The following DGCR2 variants were observed in gnomAD, a reference collection of about 807,000 sequenced individuals.
The protein encoded by DGCR2 is integral membrane protein DGCR2/IDD.
In DGCR2, 24 loss-of-function variants were observed where a neutral mutation model predicts 51.6. The observed-to-expected ratio is 0.47, with a 90% CI of 0.34 to 0.65. DGCR2 has a LOEUF of 0.65. Ranked by LOEUF, DGCR2 falls within the 30% of genes least tolerant of loss-of-function variation. The pLI is 0.01. For missense variants in DGCR2, 765 were observed against 772.1 expected (o/e 0.99, Z 0.11); for synonymous variants, 340 against 315.4 (o/e 1.08, Z -0.82).
At chr22:19,055,996 C>T (rs191639047) in intron 6 of DGCR2, 24 of 154,406 alleles carry the variant, frequency 1.6e-4, no homozygotes, top group Admixed American at 3.9e-4. Flanking sequence ...AGTGGAGATC[C>T]GGCCAGCAGA....
chr22:19,063,118 A>T, intron 5 of DGCR2, 84 bp downstream of exon 5: 1 of 1,327,004 alleles, frequency 7.5e-7, no homozygotes, highest in South Asian at 1.2e-5. Context: ...GCCAGGCAGC[A>T]CTGGGTAAGA....
intron 1 of DGCR2, among the ~76,000 whole-genome samples, chr22:19,103,182 T>C (rs983253799): frequency 2.6e-5 from 4 of 151,776 alleles, no homozygotes; most frequent in African/African-American, 4.8e-5. Flanking sequence ...GTATGAAATA[T>C]CTAGAATGGG....
At chr22:19,065,654 C>T (rs1368041442) in intron 3 of DGCR2, 1 of 157,332 alleles carries the variant, frequency 6.4e-6, no homozygotes, top group East Asian at 1.9e-4. Flanking sequence ...CCAGCCAGCA[C>T]TTGAGTATCA....
intron 6 of DGCR2, chr22:19,055,671 A>C (rs2082592909): frequency 1.3e-5 from 2 of 152,280 alleles, no homozygotes; most frequent in South Asian, 4.1e-4. Context: ...CCTAAAATTC[A>C]CATAGAAAAG....
chr22:19,093,089 A>C (rs2083097838), intron 1 of DGCR2, among the ~76,000 whole-genome samples: 1 of 152,180 alleles, frequency 6.6e-6, no homozygotes, highest in South Asian at 2.1e-4. Flanking sequence ...AGCCAGGCCC[A>C]GTGGCTCATG....
intron 1 of DGCR2, among the ~76,000 whole-genome samples, chr22:19,106,520 A>G (rs1194129859): frequency 6.6e-6 from 1 of 152,222 alleles, no homozygotes; most frequent in Non-Finnish European, 1.5e-5. Flanking sequence ...CTGAACCTCA[A>G]GCCACAAGGA....
chr22:19,041,376 G>A, intron 8 of DGCR2, 82 bp from the exon 9 acceptor site: 1 of 1,421,904 alleles, frequency 7.0e-7, no homozygotes. Context: ...CCCACCCCCA[G>A]GCTGGGCCTG....
chr22:19,040,001 T>C (rs1192138027), intron 9 of DGCR2, among the ~76,000 whole-genome samples: 2 of 152,158 alleles, frequency 1.3e-5, no homozygotes, highest in Non-Finnish European at 2.9e-5. Flanking sequence ...TGTGAGCCAC[T>C]GCGCCTGGGC....
intron 2 of DGCR2, among the ~76,000 whole-genome samples, chr22:19,077,849 G>A (rs1036241942): frequency 2.4e-4 from 34 of 144,626 alleles, no homozygotes; most frequent in African/African-American, 8.6e-4. Context: ...TTTTTTTTGA[G>A]ACAGTGTCTC....
intron 7 of DGCR2, chr22:19,047,208 C>T (rs1297263099): frequency 1.3e-5 from 2 of 152,350 alleles, no homozygotes; most frequent in African/African-American, 4.8e-5. Flanking sequence ...TTGTGCTCAC[C>T]ACAGTCAACT....
chr22:19,040,447 G>C (rs116518291), intron 9 of DGCR2, among the ~76,000 whole-genome samples: 1,615 of 152,318 alleles, frequency 0.011, 29 homozygotes, highest in African/African-American at 0.037. Context: ...TGCACAGGGA[G>C]ATGGGATGGG....
At chr22:19,064,144 C>T (rs1311051136) in intron 4 of DGCR2, among the ~76,000 whole-genome samples, 1 of 152,224 alleles carries the variant, frequency 6.6e-6, no homozygotes, top group Non-Finnish European at 1.5e-5. Context: ...AGATGCCCAT[C>T]AGCAGGTCTC....
chr22:19,122,056 A>T, intron 1 of DGCR2, 72 bp downstream of exon 1: 3 of 1,125,316 alleles, frequency 2.7e-6, no homozygotes, highest in Non-Finnish European at 3.5e-6. Flanking sequence ...GCCGCGGGTG[A>T]AAGGAGGTCC....
intron 2 of DGCR2, among the ~76,000 whole-genome samples, chr22:19,076,979 C>T (rs1377187929): frequency 1.3e-5 from 2 of 152,000 alleles, no homozygotes; most frequent in Non-Finnish European, 2.9e-5. Context: ...ATCCGCCGGC[C>T]TCCCAAAGTG....
rs200429609 is a variant in DGCR2, at chr22:19,102,710, AAAG to A, written c.80-13223_80-13221del. Among the ~76,000 whole-genome samples the A allele has an allele frequency of 7.7e-3, 1,171 of 152,254 alleles. 19 individuals are homozygous for A. Among genetic ancestry groups the A allele is most frequent in the African/African-American group, 0.026 (1,092 of 41,542 alleles). ...GAGCGAGACTCCGTCTCAAAAAAAA[AAAG>A]GTTAAAATGGGGCTGGGCATGGTGG... On this transcript the variant is annotated intron_variant, in intron 1 of 9. Transcript: ENST00000263196.
At chr22:19,051,588 T>G (rs555809593) in intron 6 of DGCR2, among the ~76,000 whole-genome samples, 32 of 152,260 alleles carry the variant, frequency 2.1e-4, no homozygotes, top group Non-Finnish European at 4.7e-4. Flanking sequence ...TAGCCAGGCA[T>G]GACGGTGCAC....
At chr22:19,084,442 G>C (rs1376742951) in intron 2 of DGCR2, among the ~76,000 whole-genome samples, 4 of 147,666 alleles carry the variant, frequency 2.7e-5, no homozygotes, top group Non-Finnish European at 6.0e-5. Flanking sequence ...CCCTCCGCCC[G>C]GCAGCCGCCC....
chr22:19,087,477 C>A (rs1471143872), intron 2 of DGCR2, among the ~76,000 whole-genome samples: 1 of 152,120 alleles, frequency 6.6e-6, no homozygotes, highest in Admixed American at 6.5e-5. Context: ...GCAACCTCTA[C>A]CTCCTGGATT....
rs559747170 is a variant in DGCR2, at chr22:19,048,263, C to T, written c.1006+177G>A. On this transcript the variant is annotated intron_variant, in intron 7 of 9. Transcript: ENST00000263196. ...AGCTGGAGGGGTCGTGTCAGACACGCCCACTAGAGTAGTGGCATCAAAGTC... is the reference window on the plus strand; with the variant it reads ...AGCTGGAGGGGTCGTGTCAGACACGTCCACTAGAGTAGTGGCATCAAAGTC... 2.7e-5 allele frequency: 18 copies of T among 661,740 alleles called. No individual in the cohort carries two copies. The African/African-American group carries it at 2.9e-4, about 11-fold the overall frequency. 41.0% of individuals were successfully genotyped at this position (661,740 alleles called of 1,614,324 possible).
Sources: gnomAD v4.1 joint callset for allele counts (sites outside exome capture counted in the v4.1 genomes callset) on GRCh38, gnomAD v4.1.1 for gene constraint, MANE v1.5 for transcripts, NCBI Gene and HGNC (gene_info 2026-07-23, HGNC 2026-07-21) for gene names.